The following ERBIN variants were observed in gnomAD, a reference collection of about 807,000 sequenced individuals.
ERBIN encodes erbb2 interacting protein.
ERBIN carries 60 observed loss-of-function variants against 158.4 expected under a neutral mutation model. The observed-to-expected ratio is 0.38, with a 90% CI of 0.31 to 0.47. The LOEUF (loss-of-function observed/expected upper bound fraction) is 0.47. ERBIN is among the 20% of genes least tolerant of loss of function. The pLI is 0.99. For synonymous variants in ERBIN, 594 were observed against 557.2 expected (o/e 1.07, Z -0.93); for missense variants, 1,610 against 1,648.0 (o/e 0.98, Z 0.40).
intron 1 of ERBIN, among the ~76,000 whole-genome samples, chr5:65,940,759 G>A (rs1744882852): frequency 6.6e-6 from 1 of 151,284 alleles, no homozygotes; most frequent in Admixed American, 6.6e-5. Context: ...CTGCCCGGCC[G>A]CCCCTACTGG....
At chr5:66,023,237 A>T in intron 8 of ERBIN, 53 bp from the exon 9 acceptor site, 2 of 1,289,354 alleles carry the variant, frequency 1.6e-6, no homozygotes, top group Non-Finnish European at 2.2e-6. Flanking sequence ...CCAGATAAAG[A>T]CATTCATAAA....
intron 14 of ERBIN, among the ~76,000 whole-genome samples, chr5:66,034,081 A>G (rs1396978847): frequency 6.7e-6 from 1 of 149,982 alleles, no homozygotes; most frequent in African/African-American, 2.5e-5. Flanking sequence ...TGCACTCCAC[A>G]CTGTAGCCTG....
chr5:66,071,024 CAT>C (rs1261896966), intron 21 of ERBIN, among the ~76,000 whole-genome samples: 1 of 152,062 alleles, frequency 6.6e-6, no homozygotes, highest in African/African-American at 2.4e-5. Flanking sequence ...AAGTGAAAAA[CAT>C]ATGTGTCTTG....
At chr5:66,058,660 TG>T (rs1459192878) in intron 21 of ERBIN, among the ~76,000 whole-genome samples, 17 of 149,922 alleles carry the variant, frequency 1.1e-4, no homozygotes, top group Non-Finnish European at 1.9e-4. Flanking sequence ...AGGGTTTTTA[TG>T]GTTTTAGGTC....
chr5:66,062,153 A>C (rs1760462435), intron 21 of ERBIN, among the ~76,000 whole-genome samples: 1 of 152,070 alleles, frequency 6.6e-6, no homozygotes, highest in African/African-American at 2.4e-5. Flanking sequence ...ACTTGGTTCC[A>C]TTCTCCCCGT....
chr5:66,036,938 A>G (rs1417231283), intron 14 of ERBIN, among the ~76,000 whole-genome samples: 1 of 152,122 alleles, frequency 6.6e-6, no homozygotes, highest in Non-Finnish European at 1.5e-5. Context: ...TAGTTTTCTT[A>G]TTACATCTTT....
At chr5:66,036,179 AC>A (rs1233463262) in intron 14 of ERBIN, among the ~76,000 whole-genome samples, 1 of 152,184 alleles carries the variant, frequency 6.6e-6, no homozygotes, top group Non-Finnish European at 1.5e-5. Flanking sequence ...GTGCTGACAG[AC>A]TGTTGAGGTA....
At chr5:66,017,683 C>A (rs1754934436) in intron 7 of ERBIN, among the ~76,000 whole-genome samples, 1 of 151,904 alleles carries the variant, frequency 6.6e-6, no homozygotes, top group Admixed American at 6.6e-5. Context: ...TCCCATTTGT[C>A]TATTTTTGTT....
intron 16 of ERBIN, among the ~76,000 whole-genome samples, chr5:66,043,771 A>G (rs1758147500): frequency 6.6e-6 from 1 of 152,192 alleles, no homozygotes; most frequent in Non-Finnish European, 1.5e-5. Context: ...GGCTCTTGGT[A>G]TGTGAGACAT....
chr5:66,051,894 C>CCA (rs1554065266), intron 20 of ERBIN, among the ~76,000 whole-genome samples: 1 of 138,790 alleles, frequency 7.2e-6, no homozygotes, highest in African/African-American at 2.8e-5. Flanking sequence ...GGCCTTGTCT[C>CCA]AAAAAAAAAA....
rs376630008 is a variant in ERBIN at position 66,023,279 on chromosome 5, A to T, written c.598-11A>T. On this transcript the variant is annotated splice_polypyrimidine_tract_variant and intron_variant, in intron 8 of 25. Transcript: ENST00000284037. Reference sequence around the variant, plus strand: ...TTGAATTACTGCTATCCCCTACCCTAATCCCAACAGCCTGAAGTACTTGAG... The same window carrying T: ...TTGAATTACTGCTATCCCCTACCCTTATCCCAACAGCCTGAAGTACTTGAG... 1 of 1,607,850 alleles carries T rather than the reference A, an allele frequency of 6.2e-7. No individual in the cohort carries two copies. Among genetic ancestry groups the T allele is most frequent in the Non-Finnish European group, 8.5e-7 (1 of 1,175,222 alleles).
chr5:66,044,669 G>T (rs529555800), intron 17 of ERBIN, among the ~76,000 whole-genome samples: 2 of 152,108 alleles, frequency 1.3e-5, no homozygotes, highest in African/African-American at 4.8e-5. Context: ...GGAGGCTGAG[G>T]CAGGAGAATC....
At chr5:65,991,966 C>T (rs1006908727) in intron 2 of ERBIN, among the ~76,000 whole-genome samples, 1 of 152,082 alleles carries the variant, frequency 6.6e-6, no homozygotes, top group African/African-American at 2.4e-5. Context: ...GTGGTTGATC[C>T]CTGATGGCTG....
chr5:65,970,745 T>A (rs1749157278), intron 1 of ERBIN, among the ~76,000 whole-genome samples: 1 of 152,144 alleles, frequency 6.6e-6, no homozygotes, highest in African/African-American at 2.4e-5. Flanking sequence ...TACACCAGCA[T>A]GCCTGGCTAA....
At position 66,021,403 on chromosome 5, in the gene ERBIN, T is replaced by A. The variant is rs1339229607; in HGVS notation, c.597+18T>A. ...CGGAAGTGGTAAGTTCTCATCAGTC[T>A]CACTTTCCCTAAGTTCTTATATTTA... On this transcript the variant is annotated intron_variant, in intron 8 of 25. Transcript: ENST00000284037. The A allele has an allele frequency of 6.5e-7, 1 of 1,528,134 alleles. No individual in the cohort carries two copies. Among genetic ancestry groups the A allele is most frequent in the African/African-American group, 1.4e-5 (1 of 72,690 alleles). The allele number at this position is 1,528,134 out of a possible 1,614,324, so 94.7% of individuals were successfully genotyped here.
At chr5:65,930,550 T>C (rs762014044) in intron 1 of ERBIN, among the ~76,000 whole-genome samples, 1 of 152,212 alleles carries the variant, frequency 6.6e-6, no homozygotes, top group Non-Finnish European at 1.5e-5. Flanking sequence ...CCTCGTGATC[T>C]GCCCACCTCG....
At chr5:65,964,904 T>C (rs918909565) in intron 1 of ERBIN, among the ~76,000 whole-genome samples, 66 of 110,524 alleles carry the variant, frequency 6.0e-4, no homozygotes, top group African/African-American at 2.6e-3. Flanking sequence ...CACGCCTGGC[T>C]GATTTGTGTG....
chr5:65,939,294 G>T (rs997429463), intron 1 of ERBIN, among the ~76,000 whole-genome samples: 1 of 152,008 alleles, frequency 6.6e-6, no homozygotes, highest in Non-Finnish European at 1.5e-5. Flanking sequence ...AAAATTAGCC[G>T]AGTGTGGTGG....
At chr5:66,044,719 C>A (rs9764142) in intron 17 of ERBIN, among the ~76,000 whole-genome samples, 4 of 151,506 alleles carry the variant, frequency 2.6e-5, no homozygotes, top group Non-Finnish European at 5.9e-5. Context: ...GAGCCGAGAT[C>A]GTACCACTGT....
Sources: allele counts gnomAD v4.1 joint callset (sites outside exome capture counted in the v4.1 genomes callset), GRCh38; gene constraint gnomAD v4.1.1; transcripts MANE v1.5; gene names NCBI Gene and HGNC (gene_info 2026-07-23, HGNC 2026-07-21).